The following DLG2 variants were observed in gnomAD, a reference collection of about 807,000 sequenced individuals.
DLG2 encodes discs large MAGUK scaffold protein 2, also known as disks large homolog 2.
In DLG2, 45 loss-of-function variants were observed where a neutral mutation model predicts 132.5. The ratio of observed to expected loss-of-function variants is 0.34; its 90% CI spans 0.27 to 0.44. The LOEUF is 0.44. DLG2 is among the 20% of genes least tolerant of loss of function. The pLI is 1.00. For missense variants in DLG2, 1,045 were observed against 1,196.9 expected (o/e 0.87, Z 1.87); for synonymous variants, 424 against 419.6 (o/e 1.01, Z -0.13).
intron 6 of DLG2, among the ~76,000 whole-genome samples, chr11:84,807,586 A>T (rs1464306526): frequency 6.6e-6 from 1 of 152,364 alleles, no homozygotes; most frequent in South Asian, 2.1e-4. Flanking sequence ...TAAAAAAAAT[A>T]AGCCAACTCT....
At chr11:84,215,730 G>C (rs1175757274) in intron 8 of DLG2, among the ~76,000 whole-genome samples, 1 of 152,068 alleles carries the variant, frequency 6.6e-6, no homozygotes, top group African/African-American at 2.4e-5. Context: ...CCTCTCTGAG[G>C]AAAGTAGGTA....
chr11:85,334,661 C>A (rs2082004912), intron 3 of DLG2, among the ~76,000 whole-genome samples: 1 of 152,060 alleles, frequency 6.6e-6, no homozygotes, highest in Non-Finnish European at 1.5e-5. Context: ...TGTTTGATTT[C>A]TGCCTTAATT....
chr11:85,310,043 A>G (rs1413210746), intron 3 of DLG2, among the ~76,000 whole-genome samples: 1 of 152,208 alleles, frequency 6.6e-6, no homozygotes, highest in Non-Finnish European at 1.5e-5. Flanking sequence ...TTTGAAGGGA[A>G]CACTGCATTG....
At chr11:85,428,407 C>T (rs992683470) in intron 3 of DLG2, among the ~76,000 whole-genome samples, 6 of 152,124 alleles carry the variant, frequency 3.9e-5, no homozygotes, top group Non-Finnish European at 7.4e-5. Flanking sequence ...TGTAAAAGAA[C>T]AAAAATTATA....
chr11:84,117,784 T>C (rs74830866), intron 9 of DLG2, among the ~76,000 whole-genome samples: 132 of 152,362 alleles, frequency 8.7e-4, no homozygotes, highest in African/African-American at 3.1e-3. Flanking sequence ...AAGTATTTGT[T>C]GAATAAATAA....
chr11:84,865,494 T>C (rs2084410098), intron 6 of DLG2, among the ~76,000 whole-genome samples: 1 of 152,216 alleles, frequency 6.6e-6, no homozygotes, highest in South Asian at 2.1e-4. Context: ...AATGGCCCTA[T>C]GCTTTGGGTC....
chr11:85,551,675 A>G (rs529249795), intron 3 of DLG2, among the ~76,000 whole-genome samples: 2 of 152,238 alleles, frequency 1.3e-5, no homozygotes, highest in East Asian at 3.9e-4. Flanking sequence ...CATGCAAATA[A>G]TATCAAGTTC....
chr11:84,185,046 C>T (rs1330532250), intron 8 of DLG2, among the ~76,000 whole-genome samples: 1 of 152,138 alleles, frequency 6.6e-6, no homozygotes, highest in Non-Finnish European at 1.5e-5. Context: ...ATTGACTTGG[C>T]AATGCAGGCT....
intron 7 of DLG2, among the ~76,000 whole-genome samples, chr11:84,353,856 CT>C (rs1176319112): frequency 6.6e-6 from 1 of 152,176 alleles, no homozygotes; most frequent in Non-Finnish European, 1.5e-5. Flanking sequence ...CCAACTTCTA[CT>C]AATCATTAAC....
At chr11:85,482,280 A>G (rs920594297) in intron 3 of DLG2, among the ~76,000 whole-genome samples, 2 of 151,780 alleles carry the variant, frequency 1.3e-5, no homozygotes, top group African/African-American at 4.8e-5. Context: ...GCTAGCTCCT[A>G]TGGCCCCAGG....
At chr11:83,628,485 C>T (rs934843685) in intron 19 of DLG2, among the ~76,000 whole-genome samples, 1 of 152,086 alleles carries the variant, frequency 6.6e-6, no homozygotes, top group Non-Finnish European at 1.5e-5. Flanking sequence ...GCTGTGGGAT[C>T]GTGGGGGAAT....
At chr11:84,620,378 T>C (rs2099611788) in intron 6 of DLG2, among the ~76,000 whole-genome samples, 1 of 151,810 alleles carries the variant, frequency 6.6e-6, no homozygotes, top group South Asian at 2.1e-4. Context: ...GATAGGAAAA[T>C]ATTGCTTAAA....
intron 6 of DLG2, among the ~76,000 whole-genome samples, chr11:84,788,690 CCTA>C (rs2073341451): frequency 6.6e-6 from 1 of 152,086 alleles, no homozygotes; most frequent in Non-Finnish European, 1.5e-5. Flanking sequence ...ACTTATCTCT[CCTA>C]CTACAGTGGG....
rs935836654 is a variant in DLG2, at chr11:84,940,244, G to A, written c.357+171417C>T. 4.6e-5 allele frequency among the ~76,000 whole-genome samples: 7 copies of A among 152,280 alleles called. 1 individual carries two copies. The South Asian group carries it at 1.2e-3, about 27-fold the overall frequency. ...CAGCTCACTGCAACCCCCGCCTCCTGGGTTCAAACGATTCTCCTGCCTCAG... is the reference window on the plus strand; with the variant it reads ...CAGCTCACTGCAACCCCCGCCTCCTAGGTTCAAACGATTCTCCTGCCTCAG... On this transcript the variant is annotated intron_variant, in intron 6 of 27. Transcript: ENST00000376104.
intron 6 of DLG2, chr11:84,922,933 T>A: frequency 3.1e-6 from 3 of 974,330 alleles, no homozygotes; most frequent in Non-Finnish European, 4.7e-6. Context: ...ACGGCAACAA[T>A]AAAACAAAGC....
intron 3 of DLG2, among the ~76,000 whole-genome samples, chr11:85,461,686 T>G (rs961006696): frequency 6.6e-6 from 1 of 152,184 alleles, no homozygotes; most frequent in African/African-American, 2.4e-5. Context: ...CCAAGCCACA[T>G]GCAGCAGCAA....
chr11:85,160,762 G>A (rs1360819016), intron 4 of DLG2, among the ~76,000 whole-genome samples: 2 of 152,172 alleles, frequency 1.3e-5, no homozygotes, highest in Admixed American at 6.5e-5. Context: ...GCCTCATGGG[G>A]AGTTCCCTAT....
At chr11:83,492,607 G>A (rs7127319) in intron 21 of DLG2, among the ~76,000 whole-genome samples, 53,502 of 151,812 alleles carry the variant, frequency 0.35, 9,482 homozygotes, top group Middle Eastern at 0.45. Flanking sequence ...CAAGCAAGCA[G>A]ACAAAAACCT....
At chr11:84,033,175 T>G (rs950344727) in intron 11 of DLG2, among the ~76,000 whole-genome samples, 10 of 152,184 alleles carry the variant, frequency 6.6e-5, no homozygotes, top group Non-Finnish European at 1.3e-4. Flanking sequence ...CAGAAAGCTA[T>G]AGCTGCCATA....
Sources: allele counts gnomAD v4.1 joint callset (sites outside exome capture counted in the v4.1 genomes callset), GRCh38; gene constraint gnomAD v4.1.1; transcripts MANE v1.5; gene names NCBI Gene and HGNC (gene_info 2026-07-23, HGNC 2026-07-21).